BBS4: variants seen among roughly 807,000 people sequenced by gnomAD.
The protein encoded by BBS4 is BBSome complex member BBS4.
A neutral mutation model predicts 71.4 loss-of-function variants in BBS4; 58 were observed. The ratio of observed to expected loss-of-function variants is 0.81; its 90% CI spans 0.66 to 1.01. The LOEUF is 1.01. BBS4 is among the 50% of genes least tolerant of loss of function. The pLI is 0.00. For missense variants in BBS4, 660 were observed against 607.9 expected (o/e 1.09, Z -0.90); for synonymous variants, 228 against 216.8 (o/e 1.05, Z -0.46).
intron 2 of BBS4, among the ~76,000 whole-genome samples, chr15:72,699,640 G>A (rs190177394): frequency 2.2e-4 from 33 of 151,912 alleles, no homozygotes; most frequent in African/African-American, 6.3e-4. Context: ...GCTTCACTTC[G>A]CCAGATGCAA....
chr15:72,696,020 CTTACAA>C (rs1367249565), intron 2 of BBS4, among the ~76,000 whole-genome samples: 1 of 152,194 alleles, frequency 6.6e-6, no homozygotes, highest in Admixed American at 6.5e-5. Context: ...TCTGTATATA[CTTACAA>C]TTACAGATAT....
intron 6 of BBS4, 146 bp from the exon 7 acceptor site, chr15:72,722,648 G>T: frequency 1.4e-6 from 1 of 695,264 alleles, no homozygotes; most frequent in South Asian, 1.6e-5. Context: ...ATTTGAGTAT[G>T]AACTCTAATA....
chr15:72,712,474 C>G lies in BBS4; in HGVS notation c.220+167C>G, dbSNP rs574403829. ...TTAGGCAATTTTGTCATTGTGTGAA[C>G]ATTACATGGAGTGTACTTACACAAA... On this transcript the variant is annotated intron_variant, in intron 4 of 15. Coordinates refer to ENST00000268057, the MANE Select transcript of BBS4 (RefSeq NM_033028.5). Among the ~76,000 whole-genome samples, 34 of 152,296 alleles carry G rather than the reference C, an allele frequency of 2.2e-4. 1 individual carries two copies. In the South Asian group the frequency reaches 2.7e-3, roughly 12 times the overall value.
chr15:72,735,056 A>G (rs2065893802), intron 12 of BBS4, 57 bp from the exon 13 acceptor site: 1 of 1,336,370 alleles, frequency 7.5e-7, no homozygotes, highest in South Asian at 1.2e-5. Flanking sequence ...GTAGTCTTTA[A>G]TACTCCTTTT....
rs2065820582 is a variant in BBS4 at position 72,731,438 on chromosome 15, G to A, written c.845G>A (p.Gly282Asp). The change falls in exon 11 of 16, where the codon GGC (glycine) becomes GAC (aspartate). Residue 282 changes from glycine to aspartate, a missense_variant. Coordinates refer to ENST00000268057, the MANE Select transcript of BBS4 (RefSeq NM_033028.5). Reference protein sequence around the residue: ...LWNNIGMCFFGKKKYVAAISC... With the variant: ...LWNNIGMCFFDKKKYVAAISC... ...AATAACATTGGAATGTGTTTCTTTG[G>A]CAAGAAGAAATATGTGGCGGTGAGT... 6.2e-7 allele frequency: 1 copy of A among 1,614,060 alleles called. No homozygotes were observed.
At position 72,710,195 on chromosome 15, in the gene BBS4, G is replaced by GTTCTTTTT. The variant is rs1239689474; in HGVS notation, c.156+418_156+419insCTTTTTTT. On this transcript the variant is annotated intron_variant, in intron 3 of 15. Coordinates refer to ENST00000268057, the MANE Select transcript of BBS4 (RefSeq NM_033028.5). ...TAGATGAAAAATGGTATTTTGTCGA[G>GTTCTTTTT]TTTTTTTTTTTTTTTTTTTTTTTTT... is the stretch of plus-strand genomic sequence containing the variant. Among the ~76,000 whole-genome samples the GTTCTTTTT allele has an allele frequency of 7.2e-4, 74 of 103,442 alleles. 9 individuals carry two copies. The highest frequency in any genetic ancestry group is 9.5e-4 in the African/African-American group (26 of 27,244). The allele number at this position is 103,442 out of a possible 152,430, so 67.9% of individuals were successfully genotyped here.
At chr15:72,722,956 G>A (rs907728480) in intron 7 of BBS4, 109 bp downstream of exon 7, 3 of 920,602 alleles carry the variant, frequency 3.3e-6, no homozygotes, top group African/African-American at 3.3e-5. Flanking sequence ...TTTTGGAACT[G>A]AAAATTGAAA....
chr15:72,727,135 C>T (rs973396130), intron 8 of BBS4, among the ~76,000 whole-genome samples: 1 of 152,200 alleles, frequency 6.6e-6, no homozygotes, highest in Non-Finnish European at 1.5e-5. Context: ...GCTCAGGCCT[C>T]CCCTGGCTGG....
intron 3 of BBS4, 150 bp from the exon 4 acceptor site, chr15:72,712,093 TC>T: frequency 1.5e-6 from 1 of 682,686 alleles, no homozygotes; most frequent in Non-Finnish European, 2.7e-6. Context: ...GATCTTGAAC[TC>T]CTGACCTCAT....
Position 72,689,968 on chromosome 15 carries a change from G to A in BBS4, c.24+3717G>A, listed in dbSNP as rs186576607. On this transcript the variant is annotated intron_variant, in intron 1 of 15. Coordinates refer to ENST00000268057, the MANE Select transcript of BBS4 (RefSeq NM_033028.5). ...TGGGACTACAGGCGCCTGCCACCAC[G>A]CCCAGCTAATTTTTTGTATTTTTAG... 8.4e-3 allele frequency among the ~76,000 whole-genome samples: 1,273 copies of A among 151,970 alleles called. 14 individuals are homozygous for A. The highest frequency in any genetic ancestry group is 0.029 in the African/African-American group (1,203 of 41,464).
chr15:72,698,621 A>T (rs544677662), intron 2 of BBS4, among the ~76,000 whole-genome samples: 1 of 152,080 alleles, frequency 6.6e-6, no homozygotes, highest in Non-Finnish European at 1.5e-5. Context: ...CATTTTGTTT[A>T]TCTGTCTGTT....
At chr15:72,737,399 T>C in intron 15 of BBS4, 79 bp from the exon 16 acceptor site, 1 of 1,287,676 alleles carries the variant, frequency 7.8e-7, no homozygotes, top group Non-Finnish European at 1.1e-6. Context: ...GGGTTTCCTC[T>C]TGAACTCTAA....
chr15:72,719,918 T>A (rs1204024790), intron 6 of BBS4, among the ~76,000 whole-genome samples: 1 of 151,800 alleles, frequency 6.6e-6, no homozygotes, highest in African/African-American at 2.4e-5. Context: ...GCCCAGCTAA[T>A]TTTTGTATTT....
At chr15:72,735,026 G>A in intron 12 of BBS4, 87 bp from the exon 13 acceptor site, 1 of 931,822 alleles carries the variant, frequency 1.1e-6, no homozygotes. Context: ...TGAGCTGACA[G>A]GGTGAAGTTT....
intron 3 of BBS4, 41 bp downstream of exon 3, chr15:72,709,820 T>C: frequency 6.5e-7 from 1 of 1,545,630 alleles, no homozygotes; most frequent in Non-Finnish European, 8.9e-7. Flanking sequence ...AGGCAGGATG[T>C]TGGGTAGGCA....
At chr15:72,721,821 TTTC>T (rs1228324665) in intron 6 of BBS4, among the ~76,000 whole-genome samples, 2 of 152,186 alleles carry the variant, frequency 1.3e-5, no homozygotes, top group Admixed American at 1.3e-4. Flanking sequence ...TTACCCTTGC[TTTC>T]TCCTTTTCCA....
intron 2 of BBS4, among the ~76,000 whole-genome samples, chr15:72,703,395 T>C (rs547310283): frequency 6.6e-6 from 1 of 152,332 alleles, no homozygotes; most frequent in East Asian, 1.9e-4. Flanking sequence ...TTTGTTAGGC[T>C]TTGACTGATA....
chr15:72,710,847 G>A (rs1271456070), intron 3 of BBS4, among the ~76,000 whole-genome samples: 1 of 151,440 alleles, frequency 6.6e-6, no homozygotes, highest in Non-Finnish European at 1.5e-5. Context: ...CTAGAGTGCA[G>A]TGGCGCAATC....
intron 7 of BBS4, 113 bp downstream of exon 7, chr15:72,722,960 A>C: frequency 1.1e-6 from 1 of 872,112 alleles, no homozygotes. Flanking sequence ...GGAACTGAAA[A>C]TTGAAAGTAC....
Sources: gnomAD v4.1 joint callset for allele counts (sites outside exome capture counted in the v4.1 genomes callset) on GRCh38, gnomAD v4.1.1 for gene constraint, MANE v1.5 for transcripts, NCBI Gene and HGNC (gene_info 2026-07-23, HGNC 2026-07-21) for gene names.